The following RGPD5 variants were observed in gnomAD, a reference collection of about 807,000 sequenced individuals.
The protein encoded by RGPD5 is RANBP2 like and GRIP domain containing 5.
chr2:109,765,985 T>A, the RGPD5 span, among the ~76,000 whole-genome samples: 14 of 150,386 alleles, frequency 9.3e-5, no homozygotes, highest in Non-Finnish European at 1.9e-4. Flanking sequence ...CCTATCCTTT[T>A]GGTCAGTCCT....
chr2:109,761,458 GTATCCCTT>G, the RGPD5 span, among the ~76,000 whole-genome samples: 1 of 148,962 alleles, frequency 6.7e-6, no homozygotes, highest in Non-Finnish European at 1.5e-5. Context: ...GGCGCCCCAG[GTATCCCTT>G]TGTGCCACGC....
chr2:109,760,852 C>T, the RGPD5 span, among the ~76,000 whole-genome samples: 1 of 108,640 alleles, frequency 9.2e-6, no homozygotes, highest in Non-Finnish European at 1.8e-5. Flanking sequence ...TCACCTGGGC[C>T]GGGTGCTCCG....
the RGPD5 span, among the ~76,000 whole-genome samples, chr2:109,765,450 A>C: frequency 6.6e-6 from 1 of 150,420 alleles, no homozygotes; most frequent in Non-Finnish European, 1.5e-5. Flanking sequence ...GCTGTACAGG[A>C]TGCAAAGGAC....
chr2:109,767,359 T>A, the RGPD5 span, among the ~76,000 whole-genome samples: 1 of 148,136 alleles, frequency 6.8e-6, no homozygotes, highest in Non-Finnish European at 1.5e-5. Context: ...ACAAATATGC[T>A]CTTACTTACG....
At chr2:109,766,454 C>A in the RGPD5 span, among the ~76,000 whole-genome samples, 1 of 150,434 alleles carries the variant, frequency 6.6e-6, no homozygotes, top group Non-Finnish European at 1.5e-5. Context: ...GAGGAGGAAC[C>A]CAGGGAGTGT....
At chr2:109,766,720 A>C in the RGPD5 span, among the ~76,000 whole-genome samples, 5 of 146,286 alleles carry the variant, frequency 3.4e-5, no homozygotes, top group East Asian at 6.5e-4. Flanking sequence ...AAGAAAAAAA[A>C]CCTCTCAATA....
chr2:109,778,472 A>G, the RGPD5 span, among the ~76,000 whole-genome samples: 5,385 of 149,846 alleles, frequency 0.036, 411 homozygotes, highest in East Asian at 0.16. Context: ...TCTTGTTAAG[A>G]AGGTTTAGTA....
the RGPD5 span, among the ~76,000 whole-genome samples, chr2:109,764,003 C>G: frequency 6.9e-6 from 1 of 144,178 alleles, no homozygotes; most frequent in Non-Finnish European, 1.5e-5. Context: ...CCTCCTTTGC[C>G]TTCTTGCACG....
At chr2:109,766,576 A>T in the RGPD5 span, among the ~76,000 whole-genome samples, 3 of 150,510 alleles carry the variant, frequency 2.0e-5, no homozygotes, top group Non-Finnish European at 2.9e-5. Context: ...TCTTTTGTGA[A>T]AATGTAGGAG....
At chr2:109,766,150 A>G in the RGPD5 span, among the ~76,000 whole-genome samples, 1 of 150,778 alleles carries the variant, frequency 6.6e-6, no homozygotes, top group African/African-American at 2.4e-5. Flanking sequence ...CGTGGCTCTC[A>G]TTGGCCCTCA....
At chr2:109,764,422 CT>C in the RGPD5 span, among the ~76,000 whole-genome samples, 1 of 148,008 alleles carries the variant, frequency 6.8e-6, no homozygotes, top group Non-Finnish European at 1.5e-5. Context: ...TTTTAACAGG[CT>C]AACTGTTGCT....
chr2:109,767,368 C>G, the RGPD5 span, among the ~76,000 whole-genome samples: 4 of 147,324 alleles, frequency 2.7e-5, no homozygotes, highest in African/African-American at 1.0e-4. Flanking sequence ...CTCTTACTTA[C>G]GGTGGTACTA....
the RGPD5 span, among the ~76,000 whole-genome samples, chr2:109,777,146 A>T: frequency 8.5e-6 from 1 of 117,848 alleles, no homozygotes; most frequent in African/African-American, 3.1e-5. Flanking sequence ...AAGCTTTGTC[A>T]TTCACTGTTG....
chr2:109,774,570 T>TG, the RGPD5 span, among the ~76,000 whole-genome samples: 1 of 94,736 alleles, frequency 1.1e-5, no homozygotes, highest in Non-Finnish European at 1.8e-5. Context: ...TGTATGTAAA[T>TG]GGTCTCCAGC....
the RGPD5 span, among the ~76,000 whole-genome samples, chr2:109,760,879 G>C: frequency 1.5e-5 from 2 of 135,926 alleles, no homozygotes; most frequent in Non-Finnish European, 3.1e-5. Context: ...CGGCCGCCGT[G>C]GGGGTGGGGT....
chr2:109,799,225 A>G (rs1307862540), intron 1 of RGPD5, among the ~76,000 whole-genome samples: 3 of 129,734 alleles, frequency 2.3e-5, no homozygotes, highest in Non-Finnish European at 4.8e-5. Context: ...GCGACAGAGC[A>G]AGACTCCATC....
chr2:109,767,550 A>G, the RGPD5 span, among the ~76,000 whole-genome samples: 29 of 146,472 alleles, frequency 2.0e-4, 1 homozygote, highest in African/African-American at 4.3e-4. Context: ...CAGTGTTTAT[A>G]TCAGAGTAAG....
At chr2:109,774,675 G>A in the RGPD5 span, among the ~76,000 whole-genome samples, 1 of 55,000 alleles carries the variant, frequency 1.8e-5, no homozygotes, top group African/African-American at 1.2e-4. Context: ...GCTATTACAG[G>A]TTTTAGACTA....
chr2:109,773,229 A>G, the RGPD5 span, among the ~76,000 whole-genome samples: 2 of 151,302 alleles, frequency 1.3e-5, no homozygotes, highest in Non-Finnish European at 2.9e-5. Context: ...GAGGGAAAGC[A>G]GCCGGTGAAG....
Sources: gnomAD v4.1 joint callset for allele counts (sites outside exome capture counted in the v4.1 genomes callset) on GRCh38, gnomAD v4.1.1 for gene constraint, MANE v1.5 for transcripts, NCBI Gene and HGNC (gene_info 2026-07-23, HGNC 2026-07-21) for gene names.